NEK10: variants seen among roughly 807,000 people sequenced by gnomAD.
NEK10 encodes the protein NIMA related kinase 10.
Under a neutral mutation model 159.8 loss-of-function variants are expected in NEK10, and 122 were observed. The ratio of observed to expected loss-of-function variants is 0.76; its 90% CI spans 0.66 to 0.89. The LOEUF (loss-of-function observed/expected upper bound fraction) is 0.89. Among genes scored for constraint, NEK10 ranks in the 40% least tolerant of loss-of-function variants. The probability of loss-of-function intolerance (pLI) is 0.00; values close to 1 mark genes in which losing one functional copy is unlikely to be tolerated. For missense variants in NEK10, 1,342 were observed against 1,323.1 expected (o/e 1.01, Z -0.22); for synonymous variants, 466 against 457.1 (o/e 1.02, Z -0.25).
At chr3:27,331,251 C>CAAA (rs1247716064) in intron 5 of NEK10, among the ~76,000 whole-genome samples, 1 of 53,910 alleles carries the variant, frequency 1.9e-5, no homozygotes, top group Non-Finnish European at 4.3e-5. Context: ...AAAAAAAAAA[C>CAAA]AAAAAAAAAA....
At chr3:27,170,393 C>A (rs992817454) in intron 29 of NEK10, among the ~76,000 whole-genome samples, 1 of 152,202 alleles carries the variant, frequency 6.6e-6, no homozygotes, top group Admixed American at 6.5e-5. Context: ...CAAATCTAGA[C>A]AGTCCTCTCA....
intron 23 of NEK10, among the ~76,000 whole-genome samples, chr3:27,221,495 T>C (rs1239612376): frequency 6.6e-6 from 1 of 152,256 alleles, no homozygotes; most frequent in Non-Finnish European, 1.5e-5. Flanking sequence ...AACCTTCACA[T>C]ATTCCTGGTA....
chr3:27,362,836 C>G (rs896354518), intron 1 of NEK10, among the ~76,000 whole-genome samples: 1 of 151,994 alleles, frequency 6.6e-6, no homozygotes, highest in African/African-American at 2.4e-5. Flanking sequence ...AAACTTACAT[C>G]AGTGCTCACC....
At chr3:27,333,409 G>T (rs2046567064) in intron 5 of NEK10, among the ~76,000 whole-genome samples, 5 of 152,028 alleles carry the variant, frequency 3.3e-5, no homozygotes, top group Non-Finnish European at 7.4e-5. Context: ...AGCCCAGTGT[G>T]GTGGCAGGCA....
Position 27,338,199 on chromosome 3 carries a change from G to C in NEK10, c.362+6073C>G, listed in dbSNP as rs1396407737. Among the ~76,000 whole-genome samples, 4 of 152,108 alleles carry C rather than the reference G, an allele frequency of 2.6e-5. No individual in the cohort carries two copies. In the East Asian group the frequency reaches 7.7e-4, roughly 29 times the overall value. ...GAGGACATGCGGTGTTTGGTTTTCTGTCCTTGTAATATTTTACTGAGAAGG... is the reference window on the plus strand; with the variant it reads ...GAGGACATGCGGTGTTTGGTTTTCTCTCCTTGTAATATTTTACTGAGAAGG... On this transcript the variant is annotated intron_variant, in intron 5 of 35. Coordinates refer to ENST00000691995, the MANE Select transcript of NEK10 (RefSeq NM_001394966.1).
intron 22 of NEK10, among the ~76,000 whole-genome samples, chr3:27,263,413 A>C (rs1291922477): frequency 1.3e-5 from 2 of 152,192 alleles, no homozygotes; most frequent in African/African-American, 4.8e-5. Context: ...CTGCCCCCAG[A>C]GGTGGAGTCT....
intron 31 of NEK10, among the ~76,000 whole-genome samples, chr3:27,135,292 T>G (rs1943073382): frequency 6.6e-6 from 1 of 152,136 alleles, no homozygotes; most frequent in African/African-American, 2.4e-5. Flanking sequence ...TTTACATACT[T>G]TATTTCATTT....
intron 26 of NEK10, among the ~76,000 whole-genome samples, chr3:27,184,468 C>T (rs975957949): frequency 6.6e-6 from 1 of 152,170 alleles, no homozygotes; most frequent in Non-Finnish European, 1.5e-5. Context: ...AATGTTCTAA[C>T]TCTTGTTTGG....
At chr3:27,259,213 T>C (rs1180721871) in intron 22 of NEK10, among the ~76,000 whole-genome samples, 1 of 152,210 alleles carries the variant, frequency 6.6e-6, no homozygotes, top group Non-Finnish European at 1.5e-5. Flanking sequence ...GCAGAAGCTC[T>C]TTAGCTTAAT....
intron 1 of NEK10, among the ~76,000 whole-genome samples, chr3:27,361,509 C>A (rs2048684238): frequency 6.6e-6 from 1 of 152,098 alleles, no homozygotes; most frequent in African/African-American, 2.4e-5. Flanking sequence ...TGAGTATATT[C>A]TATTTCCTGA....
intron 23 of NEK10, chr3:27,215,760 T>C (rs1575293212): frequency 1.4e-6 from 1 of 714,500 alleles, no homozygotes; most frequent in Non-Finnish European, 2.6e-6. Context: ...GGAACCATGA[T>C]GGCATTTGCT....
At chr3:27,170,869 C>T (rs1174566396) in intron 29 of NEK10, among the ~76,000 whole-genome samples, 1 of 152,168 alleles carries the variant, frequency 6.6e-6, no homozygotes, top group African/African-American at 2.4e-5. Flanking sequence ...TCCAGGCCCA[C>T]TCCTCTGGCT....
At chr3:27,254,869 A>C (rs1435684413) in intron 23 of NEK10, among the ~76,000 whole-genome samples, 1 of 151,142 alleles carries the variant, frequency 6.6e-6, no homozygotes, top group East Asian at 2.0e-4. Flanking sequence ...AAAAGTTGGC[A>C]TGTTTTGGAT....
rs141939683 is a variant in NEK10, at chr3:27,259,111, G to A, written c.2015-2740C>T. On this transcript the variant is annotated intron_variant, in intron 22 of 35. Coordinates refer to ENST00000691995, the MANE Select transcript of NEK10 (RefSeq NM_001394966.1). The stretch of plus-strand genomic sequence containing the variant: ...TTGAGGGAGTTCACTGTAGATTCTG[G>A]ATATTAGCCCTTTGTCAGATGAGTA... Among the ~76,000 whole-genome samples the A allele has an allele frequency of 8.3e-3, 1,259 of 152,086 alleles. 10 individuals are homozygous for A. The highest frequency in any genetic ancestry group is 0.015 in the Admixed American group (225 of 15,286).
At chr3:27,303,073 T>C (rs1249803340) in intron 12 of NEK10, among the ~76,000 whole-genome samples, 2 of 152,166 alleles carry the variant, frequency 1.3e-5, no homozygotes, top group Non-Finnish European at 2.9e-5. Context: ...GCACAAGCTC[T>C]GAAAAGAAAC....
At chr3:27,262,704 T>C (rs4973759) in intron 22 of NEK10, among the ~76,000 whole-genome samples, 39,070 of 152,134 alleles carry the variant, frequency 0.26, 5,185 homozygotes, top group Middle Eastern at 0.38. Flanking sequence ...AGGACTTCTC[T>C]GCATTGATTA....
At chr3:27,241,817 C>A (rs1954585629) in intron 23 of NEK10, among the ~76,000 whole-genome samples, 1 of 152,174 alleles carries the variant, frequency 6.6e-6, no homozygotes, top group Non-Finnish European at 1.5e-5. Flanking sequence ...CCTGTAAGTG[C>A]AGGAAGAGCA....
At chr3:27,286,158 T>A (rs1289517413) in intron 20 of NEK10, among the ~76,000 whole-genome samples, 1 of 139,128 alleles carries the variant, frequency 7.2e-6, no homozygotes, top group Non-Finnish European at 1.5e-5. Flanking sequence ...CGATCTTGGC[T>A]CACTGCACGC....
chr3:27,312,348 G>C (rs2044764811), intron 7 of NEK10, among the ~76,000 whole-genome samples, 171 bp from the exon 8 acceptor site: 1 of 152,162 alleles, frequency 6.6e-6, no homozygotes, highest in Non-Finnish European at 1.5e-5. Context: ...AGGTGACTGG[G>C]TTTCTAGATT....
Sources: allele counts gnomAD v4.1 joint callset (sites outside exome capture counted in the v4.1 genomes callset), GRCh38; gene constraint gnomAD v4.1.1; transcripts MANE v1.5; gene names NCBI Gene and HGNC (gene_info 2026-07-23, HGNC 2026-07-21).